The following RBL1 variants were observed in gnomAD, a reference collection of about 807,000 sequenced individuals.
RBL1 encodes RB transcriptional corepressor like 1.
Under a neutral mutation model 123.0 loss-of-function variants are expected in RBL1, and 82 were observed. That is an observed-to-expected ratio of 0.67 (90% CI 0.56 to 0.80). The LOEUF (loss-of-function observed/expected upper bound fraction) is 0.80. Among genes scored for constraint, RBL1 ranks in the 30% least tolerant of loss-of-function variants. The pLI is 0.00. For synonymous variants in RBL1, 405 were observed against 441.3 expected (o/e 0.92, Z 1.03); for missense variants, 1,171 against 1,299.6 (o/e 0.90, Z 1.52).
intron 11 of RBL1, 26 bp from the exon 12 acceptor site, chr20:37,047,216 T>C (rs1194201084): frequency 1.3e-6 from 2 of 1,565,150 alleles, no homozygotes; most frequent in East Asian, 2.3e-5. Flanking sequence ...GACCACAGTT[T>C]AATATTTTTC....
chr20:36,998,254 TTTTACTC>T lies in RBL1; in HGVS notation c.*498_*504del, dbSNP rs1475580160. On this transcript the variant is annotated 3_prime_UTR_variant, in exon 22 of 22. Transcript: ENST00000373664. ...TATATATATATTTTTTGAGATGGAG[TTTTACTC>T]TTGTTGCCCAGGCTGGAGTGCAGTG... The T allele has an allele frequency of 1.3e-5, 2 of 151,320 alleles. No homozygotes were observed. Among genetic ancestry groups the T allele is most frequent in the African/African-American group, 4.9e-5 (2 of 41,132 alleles). The allele number at this position is 151,320 out of a possible 1,614,324, so 9.4% of individuals were successfully genotyped here.
At chr20:37,043,579 G>A (rs1007604336) in intron 13 of RBL1, among the ~76,000 whole-genome samples, 2 of 152,110 alleles carry the variant, frequency 1.3e-5, no homozygotes, top group African/African-American at 4.8e-5. Context: ...AGAGGCAGAA[G>A]GACAGTTTGG....
chr20:37,086,029 T>C (rs911024711), intron 2 of RBL1, among the ~76,000 whole-genome samples: 1 of 152,148 alleles, frequency 6.6e-6, no homozygotes, highest in Non-Finnish European at 1.5e-5. Flanking sequence ...CACTGCAACC[T>C]CCACCTCCAA....
chr20:37,035,536 G>A lies in RBL1; in HGVS notation c.1904-28C>T, dbSNP rs777178436. On this transcript the variant is annotated intron_variant, in intron 14 of 21. Coordinates refer to ENST00000373664, the MANE Select transcript of RBL1 (RefSeq NM_002895.5). ...AAAAAAAAATAATAAATTTAAAACA[G>A]AAATGTATTCCAAAATAATAAATTA... 3.4e-6 allele frequency: 5 copies of A among 1,478,460 alleles called. No homozygotes were observed. The South Asian group carries it at 6.7e-5, about 20-fold the overall frequency. The allele number at this position is 1,478,460 out of a possible 1,614,324, so 91.6% of individuals were successfully genotyped here.
intron 16 of RBL1, among the ~76,000 whole-genome samples, chr20:37,031,142 G>T (rs1600494630): frequency 6.6e-6 from 1 of 152,066 alleles, no homozygotes; most frequent in Non-Finnish European, 1.5e-5. Context: ...ATTTGGCAAT[G>T]ATTTCTTGTG....
At chr20:37,082,151 G>A (rs1880104606) in intron 2 of RBL1, 2 of 367,520 alleles carry the variant, frequency 5.4e-6, no homozygotes, top group Admixed American at 7.4e-5. Flanking sequence ...AATACAACCA[G>A]AAACCCCAGG....
chr20:37,014,088 T>A (rs1325257253), intron 19 of RBL1, among the ~76,000 whole-genome samples: 21 of 148,916 alleles, frequency 1.4e-4, no homozygotes, highest in African/African-American at 5.1e-4. Flanking sequence ...TTTCTCTCTT[T>A]TTTTTTTTTT....
Position 37,058,134 on chromosome 20 carries a change from ACAAAAC to A in RBL1, c.1251-1882_1251-1877del, listed in dbSNP as rs1568865664. Among the ~76,000 whole-genome samples the A allele has an allele frequency of 4.7e-3, 654 of 139,846 alleles. 19 individuals carry two copies. The highest frequency in any genetic ancestry group is 0.016 in the African/African-American group (583 of 35,628). The allele number at this position is 139,846 out of a possible 152,430, so 91.7% of individuals were successfully genotyped here. On this transcript the variant is annotated intron_variant, in intron 9 of 21. Transcript: ENST00000373664. ...TCTGTCTAAAAAAAAAAAAAACAAA[ACAAAAC>A]AAAAAAAAAAAAGCCTATTCCAGGG...
rs144921038 is a variant in RBL1, at chr20:37,092,938, C to G, written c.156+2835G>C. Reference sequence around the variant, plus strand: ...TTTTTGCATTTCTAAGGCCTACTTGCCAGGCCTTAGAAATACAAAAAATGT... The same window carrying G: ...TTTTTGCATTTCTAAGGCCTACTTGGCAGGCCTTAGAAATACAAAAAATGT... On this transcript the variant is annotated intron_variant, in intron 1 of 21. Coordinates refer to ENST00000373664, the MANE Select transcript of RBL1 (RefSeq NM_002895.5). Among the ~76,000 whole-genome samples the G allele has an allele frequency of 6.7e-4, 102 of 151,992 alleles. 9 individuals carry two copies. In the East Asian group the frequency reaches 0.02, roughly 29 times the overall value.
intron 19 of RBL1, among the ~76,000 whole-genome samples, chr20:37,015,311 A>C (rs2064232245): frequency 6.6e-6 from 1 of 152,180 alleles, no homozygotes; most frequent in African/African-American, 2.4e-5. Flanking sequence ...AAAAACACAA[A>C]ACAGGCAAGT....
At chr20:37,000,609 G>A (rs1261933396) in intron 21 of RBL1, among the ~76,000 whole-genome samples, 5 of 120,772 alleles carry the variant, frequency 4.1e-5, no homozygotes, top group African/African-American at 1.3e-4. Flanking sequence ...GGTCAGCCCC[G>A]GGCCCGGCCA....
At chr20:37,035,159 A>C in intron 15 of RBL1, 83 bp downstream of exon 15, 6 of 1,335,472 alleles carry the variant, frequency 4.5e-6, no homozygotes, top group Non-Finnish European at 6.1e-6. Flanking sequence ...ATGAGTTAGA[A>C]AAACCATGTG....
At chr20:37,027,126 G>A (rs1017634658) in intron 16 of RBL1, among the ~76,000 whole-genome samples, 12 of 151,642 alleles carry the variant, frequency 7.9e-5, no homozygotes, top group Admixed American at 7.9e-4. Context: ...TGGGAGGATC[G>A]CTTGAGCCCA....
intron 19 of RBL1, among the ~76,000 whole-genome samples, chr20:37,009,930 T>C (rs2064126019): frequency 6.6e-6 from 1 of 151,922 alleles, no homozygotes; most frequent in Non-Finnish European, 1.5e-5. Context: ...GAGGCTGAGA[T>C]GACAGGATCG....
chr20:37,078,413 C>T (rs2065397635), intron 2 of RBL1, among the ~76,000 whole-genome samples: 1 of 152,140 alleles, frequency 6.6e-6, no homozygotes, highest in African/African-American at 2.4e-5. Flanking sequence ...TCTAATTCTA[C>T]CACTTTTTCT....
At chr20:37,005,614 G>C (rs1013693849) in intron 20 of RBL1, among the ~76,000 whole-genome samples, 1 of 152,110 alleles carries the variant, frequency 6.6e-6, no homozygotes, top group Non-Finnish European at 1.5e-5. Context: ...AAATGGAAAA[G>C]ATTTATAAAT....
Position 37,003,810 on chromosome 20 carries a change from T to C in RBL1, c.2928A>G (p.Pro976=). 6.2e-7 allele frequency: 1 copy of C among 1,613,982 alleles called. No individual in the cohort carries two copies. The highest frequency in any genetic ancestry group is 8.5e-7 in the Non-Finnish European group (1 of 1,179,932). Residue 976 remains proline, a synonymous_variant, in exon 21 of 22, where the codon CCA becomes CCG. Coordinates refer to ENST00000373664, the MANE Select transcript of RBL1 (RefSeq NM_002895.5). The stretch of plus-strand genomic sequence containing the variant: ...TGGAGTGCTGCTGGGAAATGCGGCG[T>C]GGTGAGCCTGGCTGTTGTTTAATAT... ...FPHIKQQPGS[P]RRISQQHSIY...
chr20:37,044,214 A>G lies in RBL1; in HGVS notation c.1642T>C (p.Ser548Pro). Residue 548 changes from serine (S) to proline (P), a missense_variant, in exon 13 of 22, where the codon TCA becomes CCA. By Grantham distance (74) the Ser-to-Pro change is moderately conservative. Transcript: ENST00000373664. The part of the protein sequence containing the change: ...EVVIRSEEGL[S>P]RDMVKHLNSI... ...TTTAGGTGTTTCACCATGTCCCTTG[A>G]GAGCCCCTCTTCTGAGCGGATCACC... The G allele has an allele frequency of 1.9e-6, 3 of 1,613,882 alleles. No individual in the cohort carries two copies. Among genetic ancestry groups the G allele is most frequent in the Non-Finnish European group, 1.7e-6 (2 of 1,179,892 alleles).
Position 37,035,414 on chromosome 20 carries a change from T to A in RBL1, c.1998A>T (p.Pro666=), listed in dbSNP as rs2064592713. The part of the protein sequence containing the change: ...AKRRLFGEDP[P]KEMLMDKIIT... Reference sequence around the variant, plus strand: ...TGATCTTGTCCATAAGCATTTCCTTTGGGGGGTCCTCTCCAAAGAGTCTTC... The same window carrying A: ...TGATCTTGTCCATAAGCATTTCCTTAGGGGGGTCCTCTCCAAAGAGTCTTC... Residue 666 remains proline, a synonymous_variant, in exon 15 of 22, where the codon CCA becomes CCT. Coordinates refer to ENST00000373664, the MANE Select transcript of RBL1 (RefSeq NM_002895.5). 6.2e-7 allele frequency: 1 copy of A among 1,613,994 alleles called. No homozygotes were observed. The highest frequency in any genetic ancestry group is 1.3e-5 in the African/African-American group (1 of 74,916).
Sources: gnomAD v4.1 joint callset for allele counts (sites outside exome capture counted in the v4.1 genomes callset) on GRCh38, gnomAD v4.1.1 for gene constraint, MANE v1.5 for transcripts, NCBI Gene and HGNC (gene_info 2026-07-23, HGNC 2026-07-21) for gene names.